STIM1: variants seen among roughly 807,000 people sequenced by gnomAD.
The protein encoded by STIM1 is stromal interaction molecule 1.
STIM1 carries 25 observed loss-of-function variants against 74.7 expected under a neutral mutation model. That is an observed-to-expected ratio of 0.33 (90% CI 0.24 to 0.47). The LOEUF (loss-of-function observed/expected upper bound fraction) is 0.47, where lower values mean the gene tolerates loss of function less well. Among genes scored for constraint, STIM1 ranks in the 20% least tolerant of loss-of-function variants. The probability of loss-of-function intolerance (pLI) is 1.00; values close to 1 mark genes in which losing one functional copy is unlikely to be tolerated. For missense variants in STIM1, 728 were observed against 920.8 expected, an observed-to-expected ratio of 0.79 and a Z score of 2.71; for synonymous variants, 328 against 348.8, an observed-to-expected ratio of 0.94 and a Z score of 0.66.
intron 2 of STIM1, among the ~76,000 whole-genome samples, chr11:4,004,235 A>T (rs895531654): frequency 1.3e-5 from 2 of 152,148 alleles, no homozygotes; most frequent in Admixed American, 6.5e-5. Context: ...AATTGGAAAA[A>T]ACTAAAGTTC....
At chr11:3,987,285 G>A (rs1417496986) in intron 2 of STIM1, among the ~76,000 whole-genome samples, 2 of 152,188 alleles carry the variant, frequency 1.3e-5, no homozygotes, top group African/African-American at 2.4e-5. Flanking sequence ...TAACTGTGAG[G>A]TAGTTTGCAT....
At chr11:3,954,613 G>C (rs2093188646) in intron 1 of STIM1, among the ~76,000 whole-genome samples, 1 of 152,148 alleles carries the variant, frequency 6.6e-6, no homozygotes, top group Non-Finnish European at 1.5e-5. Flanking sequence ...GAATGAGTCA[G>C]GATCTTTGAA....
chr11:4,075,942 A>G (rs2094434733), intron 7 of STIM1, among the ~76,000 whole-genome samples: 1 of 152,024 alleles, frequency 6.6e-6, no homozygotes, highest in African/African-American at 2.4e-5. Flanking sequence ...ATATTATTAA[A>G]CACCTTTTTA....
intron 2 of STIM1, among the ~76,000 whole-genome samples, chr11:3,983,216 A>G (rs556686218): frequency 6.6e-6 from 1 of 152,260 alleles, no homozygotes; most frequent in Admixed American, 6.5e-5. Flanking sequence ...TTACAAGTGT[A>G]AGCCACCATG....
chr11:3,884,797 G>C (rs1440250035), intron 1 of STIM1, among the ~76,000 whole-genome samples: 2 of 151,770 alleles, frequency 1.3e-5, no homozygotes, highest in Non-Finnish European at 2.9e-5. Context: ...AAAAAAAAGG[G>C]GTATGTTTGT....
At chr11:3,924,139 T>A (rs4910864) in intron 1 of STIM1, among the ~76,000 whole-genome samples, 53,838 of 150,432 alleles carry the variant, frequency 0.36, 11,639 homozygotes, top group Admixed American at 0.46. Context: ...TTAAAATTAT[T>A]TTTTTTTTTC....
chr11:3,861,367 G>A (rs1299126148), intron 1 of STIM1, among the ~76,000 whole-genome samples: 1 of 151,926 alleles, frequency 6.6e-6, no homozygotes, highest in Non-Finnish European at 1.5e-5. Context: ...CCAAGTGGCT[G>A]GGACTACAGG....
intron 2 of STIM1, among the ~76,000 whole-genome samples, chr11:3,994,914 A>T (rs757143208): frequency 9.9e-5 from 15 of 152,088 alleles, no homozygotes; most frequent in Non-Finnish European, 1.6e-4. Context: ...CTGCCAGTTC[A>T]GATCTACTAT....
chr11:3,900,814 A>C (rs1380956626), intron 1 of STIM1, among the ~76,000 whole-genome samples: 1 of 152,184 alleles, frequency 6.6e-6, no homozygotes, highest in Non-Finnish European at 1.5e-5. Flanking sequence ...GGACTCAAGC[A>C]GTCTTCCCAC....
At chr11:4,010,087 T>C (rs2093821353) in intron 2 of STIM1, among the ~76,000 whole-genome samples, 1 of 152,166 alleles carries the variant, frequency 6.6e-6, no homozygotes, top group African/African-American at 2.4e-5. Flanking sequence ...AGTGCTGGGA[T>C]TGAAGGCATG....
At chr11:3,948,172 TC>T (rs766801317) in intron 1 of STIM1, among the ~76,000 whole-genome samples, 7 of 152,090 alleles carry the variant, frequency 4.6e-5, no homozygotes, top group Non-Finnish European at 1.0e-4. Context: ...AAAGAAGGCA[TC>T]CCAGGGCCTT....
intron 7 of STIM1, among the ~76,000 whole-genome samples, chr11:4,077,102 A>AAAGCAGCAAAATT (rs1318900234): frequency 6.6e-6 from 1 of 151,912 alleles, no homozygotes; most frequent in Non-Finnish European, 1.5e-5. Context: ...GTTACAAAAT[A>AAAGCAGCAAAATT]AAGCAGCAAA....
intron 1 of STIM1, among the ~76,000 whole-genome samples, chr11:3,899,123 C>T (rs1399923473): frequency 2.4e-4 from 37 of 152,258 alleles, no homozygotes; most frequent in South Asian, 1.9e-3. Flanking sequence ...GCCATTTTCA[C>T]GATATTGATT....
At chr11:3,983,808 C>A (rs1034034287) in intron 2 of STIM1, among the ~76,000 whole-genome samples, 1 of 152,148 alleles carries the variant, frequency 6.6e-6, no homozygotes, top group Non-Finnish European at 1.5e-5. Flanking sequence ...ACAGCTTTGA[C>A]AGCCTGGAGC....
At chr11:4,003,595 A>C (rs1289912903) in intron 2 of STIM1, among the ~76,000 whole-genome samples, 1 of 152,086 alleles carries the variant, frequency 6.6e-6, no homozygotes, top group East Asian at 1.9e-4. Flanking sequence ...ATCTCAAAAT[A>C]ATAAGAGCTA....
chr11:4,073,576 A>C (rs998692069), intron 6 of STIM1, among the ~76,000 whole-genome samples: 1 of 152,206 alleles, frequency 6.6e-6, no homozygotes, highest in Non-Finnish European at 1.5e-5. Context: ...CTTGGCACTT[A>C]GTAGGCACTT....
intron 2 of STIM1, among the ~76,000 whole-genome samples, chr11:4,014,005 C>G (rs2093869922): frequency 6.6e-6 from 1 of 151,444 alleles, no homozygotes; most frequent in African/African-American, 2.4e-5. Context: ...CCACGCCTGG[C>G]TGATTCATTG....
At chr11:4,043,357 C>T (rs978807926) in intron 3 of STIM1, among the ~76,000 whole-genome samples, 5 of 152,052 alleles carry the variant, frequency 3.3e-5, no homozygotes, top group Admixed American at 3.3e-4. Context: ...AACTGGACAC[C>T]AGTTTCTGGG....
chr11:3,904,143 G>C (rs940817098), intron 1 of STIM1, among the ~76,000 whole-genome samples: 2 of 134,984 alleles, frequency 1.5e-5, no homozygotes, highest in Non-Finnish European at 3.1e-5. Context: ...GTTGCAGTGA[G>C]CCGAGATCGC....
Sources: allele counts gnomAD v4.1 joint callset (sites outside exome capture counted in the v4.1 genomes callset), GRCh38; gene constraint gnomAD v4.1.1; transcripts MANE v1.5; gene names NCBI Gene and HGNC (gene_info 2026-07-23, HGNC 2026-07-21).